The following CIMIP4 variants were observed in gnomAD, a reference collection of about 807,000 sequenced individuals.
CIMIP4 encodes the protein protein EAN57.
chr22:37,002,938 C>T, the CIMIP4 span, among the ~76,000 whole-genome samples: 16 of 152,328 alleles, frequency 1.1e-4, no homozygotes, highest in African/African-American at 3.6e-4. Flanking sequence ...CCCTGTCTCC[C>T]ACGTCCCTGC....
the CIMIP4 span, among the ~76,000 whole-genome samples, chr22:36,992,940 A>C: frequency 6.7e-6 from 1 of 150,188 alleles, no homozygotes; most frequent in African/African-American, 2.4e-5. Context: ...TACATATATA[A>C]ATTCTATAAA....
At chr22:36,992,271 C>T in the CIMIP4 span, among the ~76,000 whole-genome samples, 1 of 152,036 alleles carries the variant, frequency 6.6e-6, no homozygotes, top group African/African-American at 2.4e-5. Context: ...TGCTTGAACC[C>T]GGGAGGCGGA....
chr22:36,997,304 G>A, the CIMIP4 span, among the ~76,000 whole-genome samples: 1 of 152,294 alleles, frequency 6.6e-6, no homozygotes, highest in African/African-American at 2.4e-5. Flanking sequence ...TTTAGCATAG[G>A]ATAGGAGTCC....
the CIMIP4 span, among the ~76,000 whole-genome samples, chr22:37,001,377 G>C: frequency 6.6e-6 from 1 of 151,934 alleles, no homozygotes; most frequent in Non-Finnish European, 1.5e-5. Context: ...TCAGGTCCAG[G>C]ATTCAAACGC....
the CIMIP4 span, among the ~76,000 whole-genome samples, chr22:36,994,716 C>T: frequency 6.6e-6 from 1 of 151,274 alleles, no homozygotes; most frequent in Non-Finnish European, 1.5e-5. Flanking sequence ...CTGCAAGCTC[C>T]GCTTCCCGGG....
the CIMIP4 span, among the ~76,000 whole-genome samples, chr22:36,997,307 A>G: frequency 6.6e-6 from 1 of 152,270 alleles, no homozygotes; most frequent in Non-Finnish European, 1.5e-5. Flanking sequence ...AGCATAGGAT[A>G]GGAGTCCCTC....
the CIMIP4 span, among the ~76,000 whole-genome samples, chr22:37,005,525 A>G: frequency 1.3e-5 from 2 of 151,070 alleles, no homozygotes; most frequent in African/African-American, 4.9e-5. Flanking sequence ...GAGAAGCATG[A>G]TAGAAAAAGC....
chr22:36,998,412 A>G, the CIMIP4 span, among the ~76,000 whole-genome samples: 2 of 152,138 alleles, frequency 1.3e-5, no homozygotes, highest in African/African-American at 4.8e-5. Context: ...CCCTGGGAGC[A>G]CTGGAGAGGG....
the CIMIP4 span, among the ~76,000 whole-genome samples, chr22:36,995,267 A>C: frequency 6.6e-6 from 1 of 152,232 alleles, no homozygotes; most frequent in Non-Finnish European, 1.5e-5. Context: ...TGTGACTCAA[A>C]GACACAATGT....
chr22:37,001,602 CT>C, the CIMIP4 span, among the ~76,000 whole-genome samples: 1 of 152,116 alleles, frequency 6.6e-6, no homozygotes, highest in Non-Finnish European at 1.5e-5. Flanking sequence ...AAGCCTCGGT[CT>C]CCTTATCTAT....
chr22:37,002,037 C>A, the CIMIP4 span: 5 of 1,610,732 alleles, frequency 3.1e-6, no homozygotes, highest in East Asian at 6.7e-5. Context: ...GATCGAGAGC[C>A]CGCATTCTTC....
the CIMIP4 span, chr22:37,002,135 C>G: frequency 6.5e-7 from 1 of 1,546,232 alleles, no homozygotes; most frequent in African/African-American, 1.4e-5. Flanking sequence ...GTGGCACTGC[C>G]CTAGGGAGCT....
At chr22:37,001,520 G>C in the CIMIP4 span, among the ~76,000 whole-genome samples, 1 of 152,180 alleles carries the variant, frequency 6.6e-6, no homozygotes, top group African/African-American at 2.4e-5. Flanking sequence ...CAGAGTTCCA[G>C]AATCTGCCGA....
chr22:36,998,693 G>C, the CIMIP4 span, among the ~76,000 whole-genome samples: 1 of 152,148 alleles, frequency 6.6e-6, no homozygotes, highest in Non-Finnish European at 1.5e-5. Context: ...TCTGAAATCT[G>C]CCCGTGAAAT....
chr22:37,000,308 G>A, the CIMIP4 span, among the ~76,000 whole-genome samples: 1 of 152,192 alleles, frequency 6.6e-6, no homozygotes, highest in African/African-American at 2.4e-5. Context: ...TTTTATAAAT[G>A]AGGAAAGCGG....
chr22:36,999,698 A>C, the CIMIP4 span: 14 of 1,068,806 alleles, frequency 1.3e-5, no homozygotes, highest in African/African-American at 2.1e-4. Context: ...CATAGAGGAC[A>C]CATGGGCATG....
chr22:37,000,116 C>A, the CIMIP4 span: 1 of 1,201,910 alleles, frequency 8.3e-7, no homozygotes, highest in South Asian at 1.6e-5. Context: ...AGCCCTCAAC[C>A]TATTCACAGG....
the CIMIP4 span, among the ~76,000 whole-genome samples, chr22:36,997,887 G>A: frequency 6.6e-6 from 1 of 152,196 alleles, no homozygotes. Flanking sequence ...TGGGTGGGTG[G>A]AAACAGAGAG....
the CIMIP4 span, chr22:37,001,915 C>T: frequency 1.5e-5 from 25 of 1,613,410 alleles, no homozygotes; most frequent in Admixed American, 8.3e-5. Context: ...TGCTGCCCTT[C>T]TGGTTCGTGG....
Sources: allele counts gnomAD v4.1 joint callset (sites outside exome capture counted in the v4.1 genomes callset), GRCh38; gene constraint gnomAD v4.1.1; transcripts MANE v1.5; gene names NCBI Gene and HGNC (gene_info 2026-07-23, HGNC 2026-07-21).